KRT4: variants seen among roughly 807,000 people sequenced by gnomAD.
KRT4 encodes keratin, type II cytoskeletal 4.
Under a neutral mutation model 50.6 loss-of-function variants are expected in KRT4, and 47 were observed. The ratio of observed to expected loss-of-function variants is 0.93; its 90% CI spans 0.73 to 1.18. KRT4 has a LOEUF of 1.18. KRT4 is among the 50% of genes most tolerant of loss of function. The pLI is 0.00. For synonymous variants in KRT4, 254 were observed against 251.2 expected (o/e 1.01, Z -0.10); for missense variants, 651 against 645.7 (o/e 1.01, Z -0.09).
Position 52,808,399 on chromosome 12 carries a change from C to T in KRT4, c.1020G>A (p.Ser340=), listed in dbSNP as rs7956809. Residue 340 remains serine, a synonymous_variant, in exon 6 of 9, where the codon TCG becomes TCA. Transcript: ENST00000551956. ...TCAGGTTGTCACCATGTTGGTCAAC[C>T]GAGATCTGGAGCTGCTGGACCTAAG... ...YQTKVQQLQI[S]VDQHGDNLKN... 76 of 1,613,798 alleles carry T rather than the reference C, an allele frequency of 4.7e-5. No homozygotes were observed. Among genetic ancestry groups the T allele is most frequent in the Non-Finnish European group, 5.3e-5 (62 of 1,180,028 alleles).
At chr12:52,810,873 A>G (rs748107788) in intron 2 of KRT4, 57 bp from the exon 3 acceptor site, 28 of 1,382,578 alleles carry the variant, frequency 2.0e-5, no homozygotes, top group Non-Finnish European at 2.8e-5. Context: ...GGTGTTTCTC[A>G]GATCTCTGCT....
At chr12:52,808,483 G>T in intron 5 of KRT4, 64 bp from the exon 6 acceptor site, 2 of 1,604,760 alleles carry the variant, frequency 1.2e-6, no homozygotes, top group South Asian at 2.2e-5. Context: ...CCATTCTCAA[G>T]TGAACTCAGT....
chr12:52,813,994 A>G lies in KRT4; in HGVS notation c.65T>C (p.Val22Ala). 1.2e-6 allele frequency: 2 copies of G among 1,614,006 alleles called. No individual in the cohort carries two copies. The highest frequency in any genetic ancestry group is 1.7e-6 in the Non-Finnish European group (2 of 1,180,014). Reference sequence around the variant, plus strand: ...GAAGGCACCTCTCTTGCCACCGCCTACAATGGCCGAGCCACAGCTGAAGCC... The same window carrying G: ...GAAGGCACCTCTCTTGCCACCGCCTGCAATGGCCGAGCCACAGCTGAAGCC... ...PRGFSCGSAI[V>A]GGGKRGAFSS... Residue 22 changes from valine to alanine, a missense_variant, in exon 1 of 9, where the codon GTA becomes GCA. Transcript: ENST00000551956.
intron 4 of KRT4, 188 bp downstream of exon 4, chr12:52,809,195 A>G (rs1244352904): frequency 3.0e-6 from 2 of 673,456 alleles, no homozygotes; most frequent in African/African-American, 3.6e-5. Flanking sequence ...GACCAAGACC[A>G]CATCTGGTTC....
Position 52,808,845 on chromosome 12 carries a change from C to T in KRT4, c.840G>A (p.Leu280=). ...CGCTGACATGGGTCTGCATCTGGGA[C>T]AGCTCCTGCAGGGCAAATGTCTCAC... ...NFLKVLYDAE[L]SQMQTHVSDT... is the part of the protein sequence containing the mutation. Residue 280 remains leucine (L), a synonymous_variant, in exon 5 of 9, where the codon CTG becomes CTA. Transcript: ENST00000551956. The T allele has an allele frequency of 6.2e-7, 1 of 1,614,112 alleles. No individual in the cohort carries two copies. The highest frequency in any genetic ancestry group is 1.1e-5 in the South Asian group (1 of 91,084).
At position 52,809,202 on chromosome 12, in the gene KRT4, G is replaced by A; in HGVS notation, c.834+181C>T. On this transcript the variant is annotated intron_variant, in intron 4 of 8. Coordinates refer to ENST00000551956, the MANE Select transcript of KRT4 (RefSeq NM_002272.4). The stretch of plus-strand genomic sequence containing the variant: ...CCGTCTAAGACCAAGACCACATCTG[G>A]TTCTAAGAATCTCCCAGTTGAATTT... 1.8e-5 allele frequency: 12 copies of A among 681,986 alleles called. No homozygotes were observed. The South Asian group carries it at 1.9e-4, about 11-fold the overall frequency. 42.2% of individuals were successfully genotyped at this position (681,986 alleles called of 1,614,324 possible). A position where few individuals can be genotyped will look rare whatever the true frequency, so the allele number is the denominator to read the frequency against.
rs202175412 is a variant in KRT4, at chr12:52,813,727, T to C, written c.332A>G (p.Glu111Gly). 3.6e-6 allele frequency: 4 copies of C among 1,119,962 alleles called. No individual in the cohort carries two copies. Among genetic ancestry groups the C allele is most frequent in the East Asian group, 6.9e-5 (1 of 14,492 alleles). 69.4% of individuals were successfully genotyped at this position (1,119,962 alleles called of 1,614,324 possible). A position where few individuals can be genotyped will look rare whatever the true frequency, so the allele number is the denominator to read the frequency against. Residue 111 changes from glutamate to glycine, a missense_variant, in exon 1 of 9, where the codon GAG (glutamate) becomes GGG (glycine). Coordinates refer to ENST00000551956, the MANE Select transcript of KRT4 (RefSeq NM_002272.4). ...GAGCAAGCTCTGGTTGATGGTGACC[T>C]CCTGAATTCCCCCAGCGGGGCAGAC... ...FPVCPAGGIQ[E>G]VTINQSLLTP...
chr12:52,807,343 C>A lies in KRT4; in HGVS notation c.1381+16G>T, dbSNP rs766977149. On this transcript the variant is annotated intron_variant, in intron 8 of 8. Transcript: ENST00000551956. ...CGGGTGAATGAACAACTACAGCAGG[C>A]GTGGAAGGTACTTACAGATGCTCAC... 1.9e-6 allele frequency: 3 copies of A among 1,614,162 alleles called. No individual in the cohort carries two copies. Among genetic ancestry groups the A allele is most frequent in the Non-Finnish European group, 2.5e-6 (3 of 1,180,012 alleles).
Position 52,813,655 on chromosome 12 carries a change from G to C in KRT4, c.404C>G (p.Thr135Arg), listed in dbSNP as rs17119475. The change falls in exon 1 of 9, where the codon ACG becomes AGG. Residue 135 changes from threonine (T) to arginine (R), a missense_variant. Coordinates refer to ENST00000551956, the MANE Select transcript of KRT4 (RefSeq NM_002272.4). ...EIDPEIQKVR[T>R]EEREQIKLLN... is the part of the protein sequence containing the mutation. ...GAGCTTGATCTGTTCGCGCTCTTCC[G>C]TCCGGACTTTCTGGATCTCAGGGTC... 6.2e-7 allele frequency: 1 copy of C among 1,613,988 alleles called. No individual in the cohort carries two copies. Among genetic ancestry groups the C allele is most frequent in the South Asian group, 1.1e-5 (1 of 91,072 alleles).
intron 1 of KRT4, among the ~76,000 whole-genome samples, chr12:52,813,204 T>C (rs1429250897): frequency 6.6e-6 from 1 of 152,214 alleles, no homozygotes; most frequent in East Asian, 1.9e-4. Context: ...CTTAGTTGTC[T>C]TCTGTTCTAA....
chr12:52,813,752 C>G lies in KRT4; in HGVS notation c.307G>C (p.Val103Leu). The change falls in exon 1 of 9, where the codon GTC becomes CTC. Residue 103 changes from valine to leucine, a missense_variant. By Grantham distance (32) the Val-to-Leu change is conservative. Coordinates refer to ENST00000551956, the MANE Select transcript of KRT4 (RefSeq NM_002272.4). ...TCCTGAATTCCCCCAGCGGGGCAGA[C>G]GGGGAAGCCAGGGCCACCCTTACCA... ...FSGKGGPGFP[V>L]CPAGGIQEVT... The G allele has an allele frequency of 2.0e-6, 2 of 1,013,494 alleles. No homozygotes were observed. Among genetic ancestry groups the G allele is most frequent in the Non-Finnish European group, 2.4e-6 (2 of 846,964 alleles). 62.8% of individuals were successfully genotyped at this position (1,013,494 alleles called of 1,614,324 possible).
At chr12:52,809,722 C>T (rs1939876164) in intron 3 of KRT4, among the ~76,000 whole-genome samples, 1 of 152,148 alleles carries the variant, frequency 6.6e-6, no homozygotes, top group East Asian at 1.9e-4. Context: ...AAAAATAGAA[C>T]TACCATTGGA....
chr12:52,811,828 A>G lies in KRT4; in HGVS notation c.612T>C (p.Asn204=). 6.2e-7 allele frequency: 1 copy of G among 1,613,988 alleles called. No homozygotes were observed. Among genetic ancestry groups the G allele is most frequent in the Non-Finnish European group, 8.5e-7 (1 of 1,180,018 alleles). Reference sequence around the variant, plus strand: ...GCTCAGACTGCAGGCGCCCTTTGTCATTGCCCAAGGTATCTAGCTGCTTCC... The same window carrying G: ...GCTCAGACTGCAGGCGCCCTTTGTCGTTGCCCAAGGTATCTAGCTGCTTCC... ...VLRKQLDTLG[N]DKGRLQSELK... The change falls in exon 2 of 9, where the codon AAT becomes AAC. Residue 204 remains asparagine (N), a synonymous_variant. Coordinates refer to ENST00000551956, the MANE Select transcript of KRT4 (RefSeq NM_002272.4).
Position 52,807,672 on chromosome 12 carries a change from G to A in KRT4, c.1318C>T (p.Arg440Cys), listed in dbSNP as rs200484321. The change falls in exon 7 of 9, where the codon CGC becomes TGC. Residue 440 changes from arginine (R) to cysteine (C), a missense_variant. By Grantham distance (180) the Arg-to-Cys change is radical. Transcript: ENST00000551956. ...LALDIEIATY[R>C]KLLEGEEYRM... The stretch of plus-strand genomic sequence containing the variant: ...TACTCCTCGCCCTCCAGCAGTTTGC[G>A]GTAGGTGGCGATCTCGATGTCCAAG... The A allele has an allele frequency of 2.5e-4, 396 of 1,614,042 alleles. No individual in the cohort carries two copies. Among genetic ancestry groups the A allele is most frequent in the African/African-American group, 2.0e-3 (150 of 75,030 alleles).
chr12:52,810,774 G>T lies in KRT4; in HGVS notation c.720C>A (p.Asp240Glu). The T allele has an allele frequency of 6.2e-7, 1 of 1,614,146 alleles. No homozygotes were observed. Among genetic ancestry groups the T allele is most frequent in the Non-Finnish European group, 8.5e-7 (1 of 1,180,000 alleles). Residue 240 changes from aspartate to glutamate, a missense_variant, in exon 3 of 9, where the codon GAC becomes GAA. Physicochemically the swap from Asp to Glu is conservative, Grantham distance 45. Transcript: ENST00000551956. ...EINKRTAAEN[D>E]FVVLKKDVDA... The stretch of plus-strand genomic sequence containing the variant: ...CTCTTACCTTCTTTAGGACCACAAA[G>T]TCATTCTCGGCTGCTGTGCGTTTGT...
rs755618603 is a variant in KRT4, at chr12:52,813,678, G to A, written c.381C>T (p.Asp127=). The change falls in exon 1 of 9, where the codon GAC becomes GAT. Residue 127 remains aspartate (D), a synonymous_variant. Coordinates refer to ENST00000551956, the MANE Select transcript of KRT4 (RefSeq NM_002272.4). ...CCGTCCGGACTTTCTGGATCTCAGG[G>A]TCAATCTCCACGTGGAGGGGGGTGA... ...SLLTPLHVEI[D]PEIQKVRTEE... 21 of 1,614,062 alleles carry A rather than the reference G, an allele frequency of 1.3e-5. No individual in the cohort carries two copies. The highest frequency in any genetic ancestry group is 5.0e-5 in the Admixed American group (3 of 60,008).
intron 1 of KRT4, among the ~76,000 whole-genome samples, chr12:52,813,231 T>G (rs1304065061): frequency 1.3e-5 from 2 of 152,182 alleles, no homozygotes; most frequent in African/African-American, 4.8e-5. Context: ...AAGTGGCCAC[T>G]GTTAAGTGAT....
At chr12:52,809,064 C>A in intron 4 of KRT4, 1 of 657,532 alleles carries the variant, frequency 1.5e-6, no homozygotes. Context: ...CACTCTAATG[C>A]AGTGAGTGCC....
Position 52,808,438 on chromosome 12 carries a change from C to A in KRT4, c.1000-19G>T. On this transcript the variant is annotated intron_variant, in intron 5 of 8. Transcript: ENST00000551956. ...GCTGGACCTAAGACTCAAGAAGACACAGAGAACCAGGTGTTAGGGGCATTT... is the reference window on the plus strand; with the variant it reads ...GCTGGACCTAAGACTCAAGAAGACAAAGAGAACCAGGTGTTAGGGGCATTT... 6.2e-7 allele frequency: 1 copy of A among 1,613,200 alleles called. No homozygotes were observed. Among genetic ancestry groups the A allele is most frequent in the Non-Finnish European group, 8.5e-7 (1 of 1,180,026 alleles).
Sources: gnomAD v4.1 joint callset for allele counts (sites outside exome capture counted in the v4.1 genomes callset) on GRCh38, gnomAD v4.1.1 for gene constraint, MANE v1.5 for transcripts, NCBI Gene and HGNC (gene_info 2026-07-23, HGNC 2026-07-21) for gene names.